Variants in YLPM1 observed in about 807,000 individuals in gnomAD.
YLPM1 encodes YLP motif-containing protein 1.
Under a neutral mutation model 230.0 loss-of-function variants are expected in YLPM1, and 99 were observed. The observed-to-expected ratio is 0.43, with a 90% confidence interval of 0.37 to 0.51. The LOEUF (loss-of-function observed/expected upper bound fraction) is 0.51, where lower values mean the gene tolerates loss of function less well. Among genes scored for constraint, YLPM1 ranks in the 20% least tolerant of loss-of-function variants. YLPM1 has a pLI of 0.00. For synonymous variants in YLPM1, 984 were observed against 942.5 expected (o/e 1.04, Z -0.81); for missense variants, 2,592 against 2,707.7 (o/e 0.96, Z 0.95).
intron 4 of YLPM1, among the ~76,000 whole-genome samples, chr14:74,792,438 G>A (rs953015494): frequency 2.6e-5 from 4 of 152,092 alleles, no homozygotes; most frequent in African/African-American, 7.2e-5. Flanking sequence ...CAGGAGAAGC[G>A]GCCCTTCTGA....
At chr14:74,783,990 C>G (rs951726237) in intron 4 of YLPM1, among the ~76,000 whole-genome samples, 8 of 152,176 alleles carry the variant, frequency 5.3e-5, no homozygotes, top group Admixed American at 3.3e-4. Context: ...GTCCCCAAAG[C>G]AAAAGTACTA....
intron 12 of YLPM1, 73 bp downstream of exon 12, chr14:74,816,338 A>G: frequency 1.4e-6 from 2 of 1,468,912 alleles, no homozygotes; most frequent in Non-Finnish European, 1.9e-6. Context: ...TCTTATTAAT[A>G]GCAAGCAACA....
At chr14:74,824,074 G>C (rs1594845068) in intron 17 of YLPM1, 182 bp from the exon 18 acceptor site, 2 of 597,176 alleles carry the variant, frequency 3.3e-6, no homozygotes, top group Non-Finnish European at 2.9e-6. Flanking sequence ...AGTGAAGTTT[G>C]GTGAATTTGG....
intron 11 of YLPM1, among the ~76,000 whole-genome samples, chr14:74,814,238 G>A (rs544343857): frequency 4.6e-5 from 7 of 152,286 alleles, no homozygotes; most frequent in African/African-American, 1.7e-4. Context: ...GCAGGCACCT[G>A]TAGTCCCAGC....
intron 1 of YLPM1, among the ~76,000 whole-genome samples, chr14:74,777,097 G>A (rs2091048649): frequency 6.6e-6 from 1 of 151,710 alleles, no homozygotes; most frequent in Admixed American, 6.6e-5. Flanking sequence ...AGGCAAATTT[G>A]CAAATACAGA....
intron 2 of YLPM1, 117 bp downstream of exon 2, chr14:74,778,800 T>C: frequency 1.2e-6 from 1 of 805,646 alleles, no homozygotes; most frequent in Admixed American, 3.0e-5. Context: ...ACCTATAAAG[T>C]TGCATTTGTG....
At chr14:74,787,921 A>G (rs1342946783) in intron 4 of YLPM1, among the ~76,000 whole-genome samples, 1 of 152,060 alleles carries the variant, frequency 6.6e-6, no homozygotes, top group African/African-American at 2.4e-5. Flanking sequence ...AGGCTGAGGC[A>G]TGAGAATTGC....
rs202116695 is a variant in YLPM1 at position 74,798,693 on chromosome 14, G to C, written c.3396G>C (p.Glu1132Asp). 6.2e-7 allele frequency: 1 copy of C among 1,611,998 alleles called. No individual in the cohort carries two copies. The highest frequency in any genetic ancestry group is 1.7e-5 in the Admixed American group (1 of 59,848). ...RGPLRRAGSR[E>D]RIPPRRAGSR... ...CTCTTCGAAGGGCTGGGAGTAGAGA[G>C]AGAATACCACCCCGAAGAGCTGGGA... The change falls in exon 5 of 21, where the codon GAG becomes GAC. Residue 1132 changes from glutamate (E) to aspartate (D), a missense_variant. Physicochemically the swap from Glu to Asp is conservative, Grantham distance 45. Around this residue, in one of 4 missense-constraint regions of YLPM1, gnomAD observed 1,862 missense variants for 1,819.8 expected, o/e 1.02. Transcript: ENST00000325680.
chr14:74,818,688 A>C (rs2091497984), intron 16 of YLPM1, among the ~76,000 whole-genome samples: 1 of 152,214 alleles, frequency 6.6e-6, no homozygotes, highest in African/African-American at 2.4e-5. Context: ...ATATTAAGTA[A>C]TATAAATTTC....
chr14:74,818,954 G>A (rs901990686), intron 16 of YLPM1, among the ~76,000 whole-genome samples: 1 of 152,098 alleles, frequency 6.6e-6, no homozygotes, highest in Non-Finnish European at 1.5e-5. Context: ...ACATTAGCGG[G>A]AATGCTACAT....
At chr14:74,775,441 G>T (rs898834035) in intron 1 of YLPM1, among the ~76,000 whole-genome samples, 6 of 152,136 alleles carry the variant, frequency 3.9e-5, no homozygotes, top group Non-Finnish European at 8.8e-5. Flanking sequence ...ATTAGGGGAG[G>T]TTATACTATA....
Position 74,821,056 on chromosome 14 carries a change from G to C in YLPM1, c.6031-1G>C. The C allele has an allele frequency of 6.6e-7, 1 of 1,513,372 alleles. No homozygotes were observed. Among genetic ancestry groups the C allele is most frequent in the Non-Finnish European group, 8.8e-7 (1 of 1,131,582 alleles). 93.7% of individuals were successfully genotyped at this position (1,513,372 alleles called of 1,614,324 possible). ...TTTTTTTTTTTTAATGGTTGGTATA[G>C]GTAGAGATGGAAGATTTTGATGCAA... On this transcript the variant is annotated splice_acceptor_variant, in intron 16 of 20. Coordinates refer to ENST00000325680, the MANE Select transcript of YLPM1 (RefSeq NM_019589.3). LOFTEE classifies it high-confidence loss of function.
In YLPM1 at chr14:74,835,925, G is replaced by A. The variant is rs1324814131; in HGVS notation, c.*187G>A. 1.5e-5 allele frequency: 7 copies of A among 454,162 alleles called. No individual in the cohort carries two copies. Among genetic ancestry groups the A allele is most frequent in the South Asian group, 4.7e-5 (3 of 64,034 alleles). 28.1% of individuals were successfully genotyped at this position (454,162 alleles called of 1,614,324 possible). A position where few individuals can be genotyped will look rare whatever the true frequency, so the allele number is the denominator to read the frequency against. On this transcript the variant is annotated 3_prime_UTR_variant, in exon 21 of 21. Coordinates refer to ENST00000325680, the MANE Select transcript of YLPM1 (RefSeq NM_019589.3). The stretch of plus-strand genomic sequence containing the variant: ...CCCCAAGAGGTATTAGAATCTTGCT[G>A]TACCCAAGCAAGACGTTAATTTTTC...
At chr14:74,767,080 C>A (rs1250629643) in intron 1 of YLPM1, among the ~76,000 whole-genome samples, 1 of 151,554 alleles carries the variant, frequency 6.6e-6, no homozygotes, top group Non-Finnish European at 1.5e-5. Flanking sequence ...GACGGGGTTT[C>A]ACCATGTTGG....
chr14:74,802,230 A>G (rs1163273032), intron 5 of YLPM1, among the ~76,000 whole-genome samples: 2 of 151,898 alleles, frequency 1.3e-5, no homozygotes, highest in African/African-American at 4.8e-5. Context: ...AAAAAAAAAA[A>G]AAAAAATAGC....
At chr14:74,810,922 C>T (rs939668039) in intron 9 of YLPM1, among the ~76,000 whole-genome samples, 7 of 152,114 alleles carry the variant, frequency 4.6e-5, no homozygotes, top group African/African-American at 1.4e-4. Flanking sequence ...CTCCTGGGCT[C>T]AAGTGATCCT....
At chr14:74,826,347 G>A (rs2091562195) in intron 18 of YLPM1, among the ~76,000 whole-genome samples, 1 of 152,058 alleles carries the variant, frequency 6.6e-6, no homozygotes, top group African/African-American at 2.4e-5. Context: ...TATTTATGTT[G>A]CCTTCCTTAT....
At chr14:74,769,144 C>T (rs929120975) in intron 1 of YLPM1, among the ~76,000 whole-genome samples, 5 of 151,070 alleles carry the variant, frequency 3.3e-5, no homozygotes, top group African/African-American at 9.7e-5. Flanking sequence ...GGCGCGATCT[C>T]GGCTCACTGC....
chr14:74,809,729 C>G lies in YLPM1; in HGVS notation c.4871C>G (p.Pro1624Arg). The change falls in exon 7 of 21, where the codon CCT becomes CGT. Residue 1624 changes from proline (P) to arginine (R), a missense_variant. Physicochemically the swap from Pro to Arg is moderately radical, Grantham distance 103 (BLOSUM62 -2). Coordinates refer to ENST00000325680, the MANE Select transcript of YLPM1 (RefSeq NM_019589.3). ...HSSIPPPGPV[P>R]MGMPPMSKPP... is the part of the protein sequence containing the mutation. ...TCCATTCCCCCTCCTGGCCCAGTGCCTATGGGTATGCCACCAATGTCCAAG... is the reference window on the plus strand; with the variant it reads ...TCCATTCCCCCTCCTGGCCCAGTGCGTATGGGTATGCCACCAATGTCCAAG... 1 of 1,614,068 alleles carries G rather than the reference C, an allele frequency of 6.2e-7. No individual in the cohort carries two copies. The highest frequency in any genetic ancestry group is 8.5e-7 in the Non-Finnish European group (1 of 1,179,902).
Sources: allele counts gnomAD v4.1 joint callset (sites outside exome capture counted in the v4.1 genomes callset), GRCh38; gene constraint gnomAD v4.1.1; regional missense constraint gnomAD v4.1.1; transcripts MANE v1.5; gene names NCBI Gene and HGNC (gene_info 2026-07-23, HGNC 2026-07-21).